The following C10orf105 variants were observed in gnomAD, a reference collection of about 807,000 sequenced individuals.
The protein encoded by C10orf105 is uncharacterized protein C10orf105.
In C10orf105, 2 loss-of-function variants were observed where a neutral mutation model predicts 0.6. The observed-to-expected ratio is 3.18, with a 90% CI of 1.30 to 10.01. The LOEUF (loss-of-function observed/expected upper bound fraction) is 10.01, where lower values mean the gene tolerates loss of function less well. Ranked by LOEUF, C10orf105 falls within the 30% of genes most tolerant of loss-of-function variation. C10orf105 has a pLI of 0.04. For synonymous variants in C10orf105, 95 were observed against 82.4 expected (o/e 1.15, Z -0.83); for missense variants, 209 against 191.4 (o/e 1.09, Z -0.54).
chr10:71,724,210 A>ATGTATATGGCCCTGG, upstream of C10orf105: 5 of 1,234,778 alleles, frequency 4.0e-6, no homozygotes, highest in Non-Finnish European at 5.8e-6. Flanking sequence ...GAGAACCCCC[A>ATGTATATGGCCCTGG]GGGCCATATA....
intron 1 of C10orf105, chr10:71,732,727 G>A: frequency 8.5e-7 from 1 of 1,180,386 alleles, no homozygotes; most frequent in Non-Finnish European, 1.1e-6. Context: ...ACCTATGCAG[G>A]CTGGTATCCT....
In C10orf105 at chr10:71,713,952, G is replaced by A. The variant is rs1176554046; in HGVS notation, c.*1984C>T. The A allele has an allele frequency of 1.3e-5, 2 of 152,792 alleles. No homozygotes were observed. Among genetic ancestry groups the A allele is most frequent in the Non-Finnish European group, 2.9e-5 (2 of 68,538 alleles). 9.5% of individuals were successfully genotyped at this position (152,792 alleles called of 1,614,324 possible). On this transcript the variant is annotated 3_prime_UTR_variant, in exon 2 of 2. Transcript: ENST00000441508. ...AAGGGAGGAAGGAACAAAACCCTTA[G>A]GGAGGAGGCCTGCCCCACTTTCTAA...
intron 1 of C10orf105, chr10:71,732,731 G>A (rs925084921): frequency 1.7e-6 from 2 of 1,160,988 alleles, no homozygotes; most frequent in South Asian, 5.4e-5. Flanking sequence ...ATGCAGGCTG[G>A]TATCCTTCTG....
At chr10:71,723,413 C>G (rs113823891), upstream of C10orf105, among the ~76,000 whole-genome samples, 4 of 152,154 alleles carry the variant, frequency 2.6e-5, no homozygotes, top group Admixed American at 6.5e-5. Context: ...ACGTCCCCCC[C>G]CACACACAAG....
chr10:71,712,843 G>C lies in C10orf105; in HGVS notation c.*3093C>G, dbSNP rs949198537. The C allele has an allele frequency of 1.9e-6, 3 of 1,603,248 alleles. No individual in the cohort carries two copies. Among genetic ancestry groups the C allele is most frequent in the Non-Finnish European group, 2.6e-6 (3 of 1,175,336 alleles). The stretch of plus-strand genomic sequence containing the variant: ...GTGGCCCGTGGCCTCTGGGGCAGGT[G>C]GTGGGCTGGGGGAGGCGGAGCCACA... On this transcript the variant is annotated 3_prime_UTR_variant, in exon 2 of 2. Coordinates refer to ENST00000441508, the MANE Select transcript of C10orf105 (RefSeq NM_001164375.3).
chr10:71,735,811 GAGGC>G (rs760416649), intron 1 of C10orf105, among the ~76,000 whole-genome samples: 13 of 152,236 alleles, frequency 8.5e-5, no homozygotes, highest in Admixed American at 5.9e-4. Context: ...GGGGGTGAGT[GAGGC>G]TGTGATGGGC....
upstream of C10orf105, among the ~76,000 whole-genome samples, chr10:71,721,380 T>C (rs1348722717): frequency 6.6e-6 from 1 of 152,164 alleles, no homozygotes; most frequent in African/African-American, 2.4e-5. Context: ...ATCACTCATG[T>C]TGACCTTCAC....
chr10:71,736,784 C>A (rs1057251036), intron 1 of C10orf105, among the ~76,000 whole-genome samples: 5 of 152,206 alleles, frequency 3.3e-5, no homozygotes, highest in African/African-American at 1.2e-4. Context: ...ATATCCCTTG[C>A]CTTCCTAAGT....
At chr10:71,716,398 G>A (rs1020059581) in intron 1 of C10orf105, 56 bp from the exon 2 acceptor site, 31 of 1,402,964 alleles carry the variant, frequency 2.2e-5, no homozygotes, top group South Asian at 3.0e-5. Context: ...CCAGGGCAGC[G>A]GGTATAGGGA....
intron 1 of C10orf105, among the ~76,000 whole-genome samples, chr10:71,737,096 T>C (rs756840650): frequency 6.6e-6 from 1 of 152,120 alleles, no homozygotes; most frequent in Non-Finnish European, 1.5e-5. Flanking sequence ...CTTGTCTGTT[T>C]TCACCCTGAG....
rs1866454649 is a variant in C10orf105, at chr10:71,719,635, C to G, written c.-14G>C. 2 of 152,944 alleles carry G rather than the reference C, an allele frequency of 1.3e-5. 1 individual carries two copies. The highest frequency in any genetic ancestry group is 4.1e-4 in the South Asian group (2 of 4,842). The allele number at this position is 152,944 out of a possible 1,614,324, so 9.5% of individuals were successfully genotyped here. A position where few individuals can be genotyped will look rare whatever the true frequency, so the allele number is the denominator to read the frequency against. On this transcript the variant is annotated 5_prime_UTR_variant, in exon 1 of 2. Coordinates refer to ENST00000441508, the MANE Select transcript of C10orf105 (RefSeq NM_001164375.3). The stretch of plus-strand genomic sequence containing the variant: ...GTCCCCCAAGCACTGACCTCAGAGC[C>G]AGACCCCAGCCGTCCGGAGCTCCGT...
upstream of C10orf105, chr10:71,723,903 C>A: frequency 1.1e-6 from 1 of 906,010 alleles, no homozygotes; most frequent in Non-Finnish European, 1.8e-6. Flanking sequence ...CCTTGTCTCC[C>A]ACACCCCCAG....
chr10:71,725,317 A>G (rs758475187), intron 1 of C10orf105: 2 of 1,613,280 alleles, frequency 1.2e-6, no homozygotes, highest in Non-Finnish European at 1.7e-6. Flanking sequence ...AGGCCAGCAC[A>G]GCAGGAGACT....
chr10:71,724,875 C>T (rs1203498909), intron 1 of C10orf105, among the ~76,000 whole-genome samples: 2 of 152,112 alleles, frequency 1.3e-5, no homozygotes, highest in Non-Finnish European at 2.9e-5. Flanking sequence ...AGAGTAGATC[C>T]CCAAAGAAAA....
intron 1 of C10orf105, chr10:71,717,726 G>A (rs1289916350): frequency 6.6e-6 from 1 of 152,230 alleles, no homozygotes; most frequent in Non-Finnish European, 1.5e-5. Flanking sequence ...CCGGAGTGCA[G>A]GCCCAGTGTG....
At chr10:71,735,793 G>C (rs1589385702) in intron 1 of C10orf105, among the ~76,000 whole-genome samples, 1 of 152,242 alleles carries the variant, frequency 6.6e-6, no homozygotes, top group Admixed American at 6.5e-5. Flanking sequence ...CATCCGTGGG[G>C]CCAGCCTGGG....
chr10:71,713,571 G>A lies in C10orf105; in HGVS notation c.*2365C>T. 3 of 445,112 alleles carry A rather than the reference G, an allele frequency of 6.7e-6. No individual in the cohort carries two copies. The highest frequency in any genetic ancestry group is 1.2e-5 in the Non-Finnish European group (3 of 245,976). 27.6% of individuals were successfully genotyped at this position (445,112 alleles called of 1,614,324 possible). On this transcript the variant is annotated 3_prime_UTR_variant, in exon 2 of 2. Coordinates refer to ENST00000441508, the MANE Select transcript of C10orf105 (RefSeq NM_001164375.3). ...GGGCAGGAAAGGGCTGGGGAGCAGG[G>A]AGCTGACTCCCAGAAACACAGAGAG...
At chr10:71,717,231 G>A (rs369760375) in intron 1 of C10orf105, 1 of 152,388 alleles carries the variant, frequency 6.6e-6, no homozygotes, top group East Asian at 1.9e-4. Context: ...CTGCATTGTG[G>A]GTCACAGTAG....
At chr10:71,731,154 T>C (rs942864492) in intron 1 of C10orf105, among the ~76,000 whole-genome samples, 10 of 152,140 alleles carry the variant, frequency 6.6e-5, no homozygotes, top group African/African-American at 1.9e-4. Context: ...AGGGGAAGCA[T>C]GCCGGGTCTC....
Sources: allele counts gnomAD v4.1 joint callset (sites outside exome capture counted in the v4.1 genomes callset), GRCh38; gene constraint gnomAD v4.1.1; transcripts MANE v1.5; gene names NCBI Gene and HGNC (gene_info 2026-07-23, HGNC 2026-07-21).